Variants in COMMD1 observed in about 807,000 individuals in gnomAD.
COMMD1 encodes copper metabolism domain containing 1, also known as COMM domain-containing protein 1.
COMMD1 carries 10 observed loss-of-function variants against 17.2 expected under a neutral mutation model. The ratio of observed to expected loss-of-function variants is 0.58; its 90% CI spans 0.36 to 0.99. The LOEUF is 0.99. Ranked by LOEUF, COMMD1 falls within the 50% of genes least tolerant of loss-of-function variation. The pLI, the probability that COMMD1 is intolerant of heterozygous loss-of-function variation, is 0.01. For synonymous variants in COMMD1, 97 were observed against 91.6 expected (o/e 1.06, Z -0.34); for missense variants, 270 against 231.8 (o/e 1.17, Z -1.07).
At chr2:61,894,634 A>G (rs1669514631) in intron 1 of COMMD1, among the ~76,000 whole-genome samples, 1 of 151,412 alleles carries the variant, frequency 6.6e-6, no homozygotes, top group Non-Finnish European at 1.5e-5. Context: ...TCATGTTACT[A>G]TTGCAAGCTA....
intron 1 of COMMD1, among the ~76,000 whole-genome samples, chr2:61,949,287 G>C (rs1025984253): frequency 3.3e-5 from 5 of 152,194 alleles, no homozygotes; most frequent in Non-Finnish European, 5.9e-5. Context: ...GCAGGGTGAA[G>C]TGTAGAGAAC....
intron 2 of COMMD1, among the ~76,000 whole-genome samples, chr2:62,063,868 A>ATATATATATATATATATATATATATATAT (rs1670947199): frequency 2.5e-5 from 2 of 81,172 alleles, no homozygotes; most frequent in African/African-American, 9.8e-5. Context: ...GTCTCTACAA[A>ATATATATATATATATATATATATATATAT]ATATATATAT....
At chr2:61,938,707 G>A (rs983064703) in intron 1 of COMMD1, among the ~76,000 whole-genome samples, 2 of 152,072 alleles carry the variant, frequency 1.3e-5, no homozygotes, top group Admixed American at 6.5e-5. Flanking sequence ...GGACTCCTAC[G>A]GATTTGCTGC....
At chr2:62,023,042 C>CA (rs1669651585) in intron 2 of COMMD1, among the ~76,000 whole-genome samples, 2 of 152,152 alleles carry the variant, frequency 1.3e-5, no homozygotes. Flanking sequence ...GCCTGACCAA[C>CA]ATGGTGAAAC....
chr2:62,110,997 C>G (rs1409216941), intron 2 of COMMD1, among the ~76,000 whole-genome samples: 2 of 152,068 alleles, frequency 1.3e-5, no homozygotes, highest in African/African-American at 4.8e-5. Flanking sequence ...CACCATAAAA[C>G]AAAGGTAAGG....
At chr2:61,926,053 C>T (rs1012901678) in intron 1 of COMMD1, among the ~76,000 whole-genome samples, 3 of 152,054 alleles carry the variant, frequency 2.0e-5, no homozygotes, top group Non-Finnish European at 4.4e-5. Context: ...TCACTGCAAC[C>T]TCTGCCTCCT....
chr2:62,114,562 T>C (rs993708353), intron 2 of COMMD1, among the ~76,000 whole-genome samples: 4 of 152,350 alleles, frequency 2.6e-5, no homozygotes, highest in Admixed American at 2.6e-4. Context: ...GGATTGCCAG[T>C]GATGGGCAGA....
intron 1 of COMMD1, among the ~76,000 whole-genome samples, chr2:61,959,415 C>T (rs902330919): frequency 3.9e-5 from 6 of 151,990 alleles, no homozygotes; most frequent in Non-Finnish European, 5.9e-5. Context: ...ACGTGAGTAA[C>T]AGGAATAAAA....
chr2:62,015,256 A>T (rs1301978373), intron 2 of COMMD1, among the ~76,000 whole-genome samples: 1 of 152,182 alleles, frequency 6.6e-6, no homozygotes, highest in Admixed American at 6.5e-5. Flanking sequence ...TAGGTACCTC[A>T]TATAAATAGA....
intron 2 of COMMD1, among the ~76,000 whole-genome samples, chr2:62,049,778 A>G (rs1285705088): frequency 1.3e-5 from 2 of 152,078 alleles, no homozygotes; most frequent in Non-Finnish European, 2.9e-5. Context: ...TGGTATACTG[A>G]ATTTATATTC....
chr2:62,040,156 G>C (rs1376774072), intron 2 of COMMD1, among the ~76,000 whole-genome samples: 2 of 152,186 alleles, frequency 1.3e-5, no homozygotes, highest in African/African-American at 4.8e-5. Flanking sequence ...GGGAGGCTGA[G>C]GTGGGAGGAT....
chr2:62,112,370 G>A (rs970650841), intron 2 of COMMD1, among the ~76,000 whole-genome samples: 3 of 152,340 alleles, frequency 2.0e-5, no homozygotes, highest in African/African-American at 7.2e-5. Flanking sequence ...ATAGCCTGAA[G>A]CAGTTGGTAC....
At chr2:62,054,139 A>T (rs553176807) in intron 2 of COMMD1, among the ~76,000 whole-genome samples, 57 of 152,242 alleles carry the variant, frequency 3.7e-4, no homozygotes, top group Non-Finnish European at 7.8e-4. Flanking sequence ...ATGCAAATCG[A>T]AACCACAATG....
At chr2:61,904,844 G>A (rs930529666), upstream of COMMD1, among the ~76,000 whole-genome samples, 3 of 152,090 alleles carry the variant, frequency 2.0e-5, no homozygotes, top group Non-Finnish European at 2.9e-5. Context: ...CTACCCATTC[G>A]TCCCCTTCTC....
chr2:61,952,834 T>A (rs574081123), intron 1 of COMMD1, among the ~76,000 whole-genome samples: 1 of 152,202 alleles, frequency 6.6e-6, no homozygotes, highest in African/African-American at 2.4e-5. Flanking sequence ...TCAGTTTTCT[T>A]AGGTAAATAC....
At chr2:61,995,075 A>G (rs1040209238) in intron 1 of COMMD1, among the ~76,000 whole-genome samples, 2 of 149,628 alleles carry the variant, frequency 1.3e-5, no homozygotes, top group Non-Finnish European at 1.5e-5. Context: ...CCAACTACTT[A>G]CTGTTATCAG....
chr2:61,905,801 A>G lies in COMMD1; in HGVS notation c.123A>G (p.Pro41=). Residue 41 remains proline (P), a synonymous_variant, in exon 1 of 3, where the codon CCA becomes CCG. Coordinates refer to ENST00000311832, the MANE Select transcript of COMMD1 (RefSeq NM_152516.4). ...AGCTGCTACGGAGCCAGCTATATCCAGAGGTGCCACCCGAGGAGTTCCGCC... is the reference window on the plus strand; with the variant it reads ...AGCTGCTACGGAGCCAGCTATATCCGGAGGTGCCACCCGAGGAGTTCCGCC... ...TEELLRSQLY[P]EVPPEEFRPF... The G allele has an allele frequency of 1.2e-6, 2 of 1,614,244 alleles. No individual in the cohort carries two copies. Among genetic ancestry groups the G allele is most frequent in the Non-Finnish European group, 1.7e-6 (2 of 1,180,052 alleles).
intron 2 of COMMD1, among the ~76,000 whole-genome samples, chr2:62,080,925 A>C (rs1671498069): frequency 6.6e-6 from 1 of 151,876 alleles, no homozygotes; most frequent in Non-Finnish European, 1.5e-5. Flanking sequence ...GCTGCATAAT[A>C]CTTATTCCAT....
chr2:62,077,138 A>T (rs554757561), intron 2 of COMMD1, among the ~76,000 whole-genome samples: 19 of 152,202 alleles, frequency 1.2e-4, no homozygotes, highest in African/African-American at 4.6e-4. Context: ...CTGAAAAAAA[A>T]TAATTATTAG....
Sources: gnomAD v4.1 joint callset for allele counts (sites outside exome capture counted in the v4.1 genomes callset) on GRCh38, gnomAD v4.1.1 for gene constraint, MANE v1.5 for transcripts, NCBI Gene and HGNC (gene_info 2026-07-23, HGNC 2026-07-21) for gene names.